Variants in MYO6 observed in about 807,000 individuals in gnomAD.
The protein encoded by MYO6 is unconventional myosin-VI.
A neutral mutation model predicts 178.7 loss-of-function variants in MYO6; 74 were observed. The observed-to-expected ratio is 0.41, with a 90% CI of 0.34 to 0.50. The LOEUF (loss-of-function observed/expected upper bound fraction) is 0.50, where lower values mean the gene tolerates loss of function less well. MYO6 is among the 20% of genes least tolerant of loss of function. MYO6 has a pLI of 0.09. For missense variants in MYO6, 1,330 were observed against 1,547.4 expected (o/e 0.86, Z 2.36); for synonymous variants, 477 against 504.6 (o/e 0.95, Z 0.73).
intron 9 of MYO6, among the ~76,000 whole-genome samples, chr6:75,843,966 A>T (rs1251721160): frequency 6.6e-6 from 1 of 152,156 alleles, no homozygotes; most frequent in African/African-American, 2.4e-5. Flanking sequence ...CAATAAAATC[A>T]TAGCAACCTG....
intron 2 of MYO6, among the ~76,000 whole-genome samples, chr6:75,818,773 A>G (rs541731850): frequency 9.8e-5 from 15 of 152,332 alleles, no homozygotes; most frequent in Non-Finnish European, 1.5e-4. Context: ...AGAGGAGGCC[A>G]GTTAAAGATA....
chr6:75,831,328 A>C (rs1773056402), intron 5 of MYO6, among the ~76,000 whole-genome samples: 1 of 152,172 alleles, frequency 6.6e-6, no homozygotes, highest in African/African-American at 2.4e-5. Flanking sequence ...ACCAGAGTTC[A>C]CTTCCAGATT....
intron 1 of MYO6, among the ~76,000 whole-genome samples, chr6:75,762,174 A>T (rs1320847117): frequency 2.6e-5 from 4 of 152,134 alleles, no homozygotes; most frequent in African/African-American, 9.7e-5. Flanking sequence ...TGACCTCATG[A>T]TCCGCCTGCC....
intron 26 of MYO6, among the ~76,000 whole-genome samples, chr6:75,890,847 A>G (rs550637496): frequency 9.1e-4 from 138 of 152,310 alleles, no homozygotes; most frequent in African/African-American, 3.1e-3. Flanking sequence ...GATAAATGAC[A>G]CTTCTACTTT....
intron 23 of MYO6, among the ~76,000 whole-genome samples, chr6:75,882,023 A>G (rs1778073262): frequency 6.6e-6 from 1 of 152,122 alleles, no homozygotes; most frequent in Admixed American, 6.5e-5. Flanking sequence ...ATGTGTTATA[A>G]GAGTGTCAGT....
At chr6:75,855,366 C>T in intron 12 of MYO6, 83 bp downstream of exon 12, 1 of 1,410,640 alleles carries the variant, frequency 7.1e-7, no homozygotes, top group Non-Finnish European at 9.9e-7. Flanking sequence ...CTGTTTAAAA[C>T]CTGAGCTTGG....
rs1303908885 is a variant in MYO6, at chr6:75,841,376, C to T, written c.814C>T (p.Arg272Trp). Residue 272 changes from arginine (R) to tryptophan (W), a missense_variant and splice_region_variant, in exon 9 of 35, where the codon CGG (arginine) becomes TGG (tryptophan). Arg to Trp is a moderately radical substitution (Grantham distance 101). Around this residue, in one of 3 missense-constraint regions of MYO6, gnomAD observed 613 missense variants for 816.8 expected, o/e 0.75. Coordinates refer to ENST00000369977, the MANE Select transcript of MYO6 (RefSeq NM_004999.4). ...KLHLSSPDNF[R>W]YLNRGCTRYF... ...TCATTTGAGTTCACCAGATAATTTTCGGGTAGGTCAGAAGAAAAGAAATTT... is the reference window on the plus strand; with the variant it reads ...TCATTTGAGTTCACCAGATAATTTTTGGGTAGGTCAGAAGAAAAGAAATTT... 8.7e-6 allele frequency: 14 copies of T among 1,612,990 alleles called. No individual in the cohort carries two copies. Among genetic ancestry groups the T allele is most frequent in the African/African-American group, 1.3e-5 (1 of 74,842 alleles).
intron 32 of MYO6, among the ~76,000 whole-genome samples, chr6:75,911,469 A>G (rs1165250590): frequency 6.6e-6 from 1 of 151,938 alleles, no homozygotes; most frequent in African/African-American, 2.4e-5. Context: ...AGAATTTCCT[A>G]AGCCTAATGA....
At chr6:75,901,005 G>T (rs1477482270) in intron 30 of MYO6, among the ~76,000 whole-genome samples, 1 of 151,642 alleles carries the variant, frequency 6.6e-6, no homozygotes, top group Non-Finnish European at 1.5e-5. Context: ...TTTCCCCATT[G>T]CTTGTTTTTC....
chr6:75,800,516 T>G lies in MYO6; in HGVS notation c.-47-16985T>G, dbSNP rs12662565. On this transcript the variant is annotated intron_variant, in intron 1 of 34. Coordinates refer to ENST00000369977, the MANE Select transcript of MYO6 (RefSeq NM_004999.4). ...CAGCCTGGGTGACAGAGTGAGACCC[T>G]GTCTCAAAAAAAGAAAAAGAAATTG... Among the ~76,000 whole-genome samples the G allele has an allele frequency of 0.013, 1,992 of 152,182 alleles. 73 individuals are homozygous for G. In the East Asian group the frequency reaches 0.15, roughly 11 times the overall value.
rs558128087 is a variant in MYO6 at position 75,793,490 on chromosome 6, G to A, written c.-47-24011G>A. ...ATGGTGGCGGGCGCCTGTAATCCCA[G>A]CTACTTGGGAGGCTGAGGCAGGAGA... On this transcript the variant is annotated intron_variant, in intron 1 of 34. Coordinates refer to ENST00000369977, the MANE Select transcript of MYO6 (RefSeq NM_004999.4). 4.5e-4 allele frequency among the ~76,000 whole-genome samples: 68 copies of A among 152,110 alleles called. 1 individual carries two copies. The South Asian group carries it at 8.9e-3, about 20-fold the overall frequency.
At chr6:75,843,440 T>C (rs983864408) in intron 9 of MYO6, among the ~76,000 whole-genome samples, 1 of 152,200 alleles carries the variant, frequency 6.6e-6, no homozygotes, top group Admixed American at 6.5e-5. Context: ...GGATAGATCC[T>C]TGAATGTAAA....
chr6:75,908,228 A>G (rs1214178748), intron 31 of MYO6, among the ~76,000 whole-genome samples: 1 of 152,098 alleles, frequency 6.6e-6, no homozygotes, highest in African/African-American at 2.4e-5. Flanking sequence ...TTCTGATGCA[A>G]TTCCTTCATA....
chr6:75,784,613 A>G (rs1287346023), intron 1 of MYO6, among the ~76,000 whole-genome samples: 1 of 151,714 alleles, frequency 6.6e-6, no homozygotes, highest in South Asian at 2.1e-4. Flanking sequence ...CTCTACTAAA[A>G]ATACAAAAAC....
At position 75,915,237 on chromosome 6, in the gene MYO6, A is replaced by C. The variant is rs1781059362; in HGVS notation, c.*225A>C. 1.6e-5 allele frequency: 9 copies of C among 568,662 alleles called. No homozygotes were observed. Among genetic ancestry groups the C allele is most frequent in the Non-Finnish European group, 3.1e-6 (1 of 318,182 alleles). The allele number at this position is 568,662 out of a possible 1,614,324, so 35.2% of individuals were successfully genotyped here. ...TCCCGCTGTAATTCCCAAAACTCTC[A>C]TTATTCTCTAACTATTACACATGGG... is the stretch of plus-strand genomic sequence containing the variant. On this transcript the variant is annotated 3_prime_UTR_variant, in exon 35 of 35. Transcript: ENST00000369977.
At chr6:75,759,162 G>T (rs1777735577) in intron 1 of MYO6, among the ~76,000 whole-genome samples, 1 of 152,112 alleles carries the variant, frequency 6.6e-6, no homozygotes, top group Non-Finnish European at 1.5e-5. Context: ...GAGCCACAGC[G>T]CCCGGCCGTT....
chr6:75,886,798 G>T lies in MYO6; in HGVS notation c.2508-46G>T, dbSNP rs1273348651. 1.9e-6 allele frequency: 3 copies of T among 1,588,692 alleles called. 1 individual carries two copies. In the South Asian group the frequency reaches 3.3e-5, roughly 18 times the overall value. On this transcript the variant is annotated intron_variant, in intron 24 of 34. Transcript: ENST00000369977. Reference sequence around the variant, plus strand: ...TTTATAAATGAAAAATCTGCCAAAAGTACTAAAGGATGAAATTAAGCTCTA... The same window carrying T: ...TTTATAAATGAAAAATCTGCCAAAATTACTAAAGGATGAAATTAAGCTCTA...
chr6:75,853,003 A>G (rs557085171), intron 11 of MYO6, among the ~76,000 whole-genome samples: 2 of 152,270 alleles, frequency 1.3e-5, no homozygotes, highest in South Asian at 4.1e-4. Context: ...TATCCTCACC[A>G]GTACTATGTG....
intron 30 of MYO6, among the ~76,000 whole-genome samples, chr6:75,903,909 T>G (rs1475563706): frequency 2.6e-5 from 4 of 151,580 alleles, no homozygotes; most frequent in African/African-American, 4.8e-5. Flanking sequence ...AGGAGCTCTT[T>G]TAGGGCAGGC....
Sources: allele counts gnomAD v4.1 joint callset (sites outside exome capture counted in the v4.1 genomes callset), GRCh38; gene constraint gnomAD v4.1.1; regional missense constraint gnomAD v4.1.1; transcripts MANE v1.5; gene names NCBI Gene and HGNC (gene_info 2026-07-23, HGNC 2026-07-21).